The following ARRB1 variants were observed in gnomAD, a reference collection of about 807,000 sequenced individuals.
ARRB1 encodes beta-arrestin-1.
In ARRB1, 21 loss-of-function variants were observed where a neutral mutation model predicts 56.8. The observed-to-expected ratio is 0.37, with a 90% CI of 0.26 to 0.53. The LOEUF (loss-of-function observed/expected upper bound fraction) is 0.53. Among genes scored for constraint, ARRB1 ranks in the 20% least tolerant of loss-of-function variants. ARRB1 has a pLI of 0.88. For missense variants in ARRB1, 424 were observed against 553.7 expected (o/e 0.77, Z 2.35); for synonymous variants, 210 against 218.6 (o/e 0.96, Z 0.35).
intron 2 of ARRB1, among the ~76,000 whole-genome samples, chr11:75,289,329 T>C (rs1044596619): frequency 6.6e-6 from 1 of 152,196 alleles, no homozygotes; most frequent in Non-Finnish European, 1.5e-5. Context: ...TTGCTGGAAA[T>C]GCATCCCTCC....
At chr11:75,287,437 CTT>C in intron 2 of ARRB1, 62 bp from the exon 3 acceptor site, 1 of 1,518,306 alleles carries the variant, frequency 6.6e-7, no homozygotes, top group Non-Finnish European at 8.9e-7. Flanking sequence ...AGGACCCTGT[CTT>C]GGAGGAAACC....
intron 3 of ARRB1, among the ~76,000 whole-genome samples, chr11:75,286,008 G>T (rs1218062114): frequency 2.0e-5 from 3 of 152,216 alleles, no homozygotes; most frequent in Non-Finnish European, 4.4e-5. Flanking sequence ...ACACCAAACA[G>T]CATCCCAGGC....
At chr11:75,279,921 G>A (rs905368367) in intron 7 of ARRB1, among the ~76,000 whole-genome samples, 8 of 152,138 alleles carry the variant, frequency 5.3e-5, no homozygotes, top group South Asian at 2.1e-4. Context: ...GCCTGCCTTC[G>A]GCCTTCCAGA....
intron 1 of ARRB1, among the ~76,000 whole-genome samples, chr11:75,331,883 C>A (rs1374720313): frequency 6.6e-6 from 1 of 152,064 alleles, no homozygotes; most frequent in Non-Finnish European, 1.5e-5. Flanking sequence ...GGCTTCTGAG[C>A]TCAAGCCCGC....
chr11:75,265,917 A>C lies in ARRB1; in HGVS notation c.*246T>G. On this transcript the variant is annotated 3_prime_UTR_variant, in exon 16 of 16. Transcript: ENST00000420843. Reference sequence around the variant, plus strand: ...CCTGGCAGCTTTTCTGGGAGACAGCATGAAAAGGAGGGGAGTGGAGATGGC... The same window carrying C: ...CCTGGCAGCTTTTCTGGGAGACAGCCTGAAAAGGAGGGGAGTGGAGATGGC... The C allele has an allele frequency of 1.9e-6, 1 of 517,524 alleles. No homozygotes were observed. The highest frequency in any genetic ancestry group is 1.9e-5 in the African/African-American group (1 of 52,144). 32.1% of individuals were successfully genotyped at this position (517,524 alleles called of 1,614,324 possible).
At chr11:75,303,133 C>A (rs1007581261) in intron 1 of ARRB1, among the ~76,000 whole-genome samples, 1 of 152,066 alleles carries the variant, frequency 6.6e-6, no homozygotes, top group Non-Finnish European at 1.5e-5. Flanking sequence ...TCCAGAGTAG[C>A]TGGGATTACA....
intron 1 of ARRB1, among the ~76,000 whole-genome samples, chr11:75,327,368 G>A (rs1565141742): frequency 2.0e-5 from 3 of 150,424 alleles, no homozygotes; most frequent in Non-Finnish European, 2.9e-5. Context: ...AGTCTCACTA[G>A]GTTGCCGAGG....
intron 1 of ARRB1, among the ~76,000 whole-genome samples, chr11:75,345,059 G>C (rs1245645952): frequency 6.6e-6 from 1 of 152,198 alleles, no homozygotes; most frequent in African/African-American, 2.4e-5. Context: ...GGTGCAGGGA[G>C]GCAGAAGCTC....
chr11:75,285,802 C>G (rs1465166959), intron 3 of ARRB1, among the ~76,000 whole-genome samples: 1 of 152,150 alleles, frequency 6.6e-6, no homozygotes, highest in Non-Finnish European at 1.5e-5. Context: ...TGCCCCTGTC[C>G]TCTCCCAGTC....
At chr11:75,276,725 G>T in intron 10 of ARRB1, 114 bp downstream of exon 10, 1 of 990,268 alleles carries the variant, frequency 1.0e-6, no homozygotes, top group Non-Finnish European at 1.5e-6. Flanking sequence ...GAAGTCTGAG[G>T]CCCAGCCCTC....
chr11:75,294,352 T>C (rs1023427580), intron 1 of ARRB1, among the ~76,000 whole-genome samples: 2 of 151,404 alleles, frequency 1.3e-5, no homozygotes, highest in African/African-American at 4.8e-5. Context: ...AGGTCAGGAG[T>C]TCAAGACCAG....
intron 1 of ARRB1, among the ~76,000 whole-genome samples, chr11:75,315,080 C>G (rs530558871): frequency 1.3e-5 from 2 of 152,174 alleles, no homozygotes; most frequent in Non-Finnish European, 2.9e-5. Context: ...CCCCACGCTG[C>G]GGGATGGGGG....
At chr11:75,290,098 C>T in intron 1 of ARRB1, 59 bp from the exon 2 acceptor site, 1 of 1,609,352 alleles carries the variant, frequency 6.2e-7, no homozygotes, top group Non-Finnish European at 8.5e-7. Context: ...GGGCAAGCTC[C>T]TGCGGGCCAC....
At position 75,273,571 on chromosome 11, in the gene ARRB1, G is replaced by A. The variant is rs111703684; in HGVS notation, c.914+503C>T. On this transcript the variant is annotated intron_variant, in intron 11 of 15. Transcript: ENST00000420843. Reference sequence around the variant, plus strand: ...CAAAGCCCCACTGAAGGACCACACTGGCAAGAGGGCAAGATGGCATCCCCA... The same window carrying A: ...CAAAGCCCCACTGAAGGACCACACTAGCAAGAGGGCAAGATGGCATCCCCA... Among the ~76,000 whole-genome samples the A allele has an allele frequency of 1.8e-3, 269 of 152,312 alleles. 1 individual carries two copies. Among genetic ancestry groups the A allele is most frequent in the African/African-American group, 6.1e-3 (254 of 41,564 alleles).
intron 1 of ARRB1, among the ~76,000 whole-genome samples, chr11:75,314,433 A>T (rs1423104336): frequency 1.3e-5 from 2 of 152,216 alleles, no homozygotes; most frequent in African/African-American, 4.8e-5. Flanking sequence ...TTTGTGGAAC[A>T]CAAGGTGTCC....
chr11:75,331,568 G>A (rs934455523), intron 1 of ARRB1, among the ~76,000 whole-genome samples: 1 of 151,940 alleles, frequency 6.6e-6, no homozygotes, highest in African/African-American at 2.4e-5. Context: ...TGGCTCAAAA[G>A]CTCCCCCGCT....
At chr11:75,284,304 G>A (rs186287377) in intron 3 of ARRB1, 25 bp from the exon 4 acceptor site, 12 of 1,601,376 alleles carry the variant, frequency 7.5e-6, no homozygotes, top group African/African-American at 5.3e-5. Flanking sequence ...GAGAGTAAGC[G>A]GCCTCTCCCA....
At chr11:75,281,463 C>T (rs1021051638) in intron 6 of ARRB1, among the ~76,000 whole-genome samples, 3 of 152,148 alleles carry the variant, frequency 2.0e-5, no homozygotes, top group East Asian at 1.9e-4. Context: ...AGACTGGGGG[C>T]GCCTACTACT....
intron 1 of ARRB1, among the ~76,000 whole-genome samples, chr11:75,307,367 G>A (rs1406158107): frequency 6.6e-6 from 1 of 152,176 alleles, no homozygotes; most frequent in Non-Finnish European, 1.5e-5. Context: ...CTCTCAAATA[G>A]GGAATCTCTC....
Sources: allele counts gnomAD v4.1 joint callset (sites outside exome capture counted in the v4.1 genomes callset), GRCh38; gene constraint gnomAD v4.1.1; transcripts MANE v1.5; gene names NCBI Gene and HGNC (gene_info 2026-07-23, HGNC 2026-07-21).